The following MAP3K4 variants were observed in gnomAD, a reference collection of about 807,000 sequenced individuals.
MAP3K4 encodes MAP three kinase 1.
Under a neutral mutation model 185.6 loss-of-function variants are expected in MAP3K4, and 67 were observed. The ratio of observed to expected loss-of-function variants is 0.36; its 90% CI spans 0.30 to 0.44. MAP3K4 has a LOEUF of 0.44. Among genes scored for constraint, MAP3K4 ranks in the 20% least tolerant of loss-of-function variants. MAP3K4 has a pLI of 1.00. For synonymous variants in MAP3K4, 702 were observed against 710.4 expected, an observed-to-expected ratio of 0.99 and a Z score of 0.19; for missense variants, 1,551 against 1,995.1, an observed-to-expected ratio of 0.78 and a Z score of 4.24.
At chr6:161,078,232 G>A (rs1785270588) in intron 5 of MAP3K4, among the ~76,000 whole-genome samples, 1 of 152,186 alleles carries the variant, frequency 6.6e-6, no homozygotes, top group African/African-American at 2.4e-5. Flanking sequence ...GAAATGTTAT[G>A]TGGCTGGTGA....
At chr6:161,083,642 C>T (rs1220261707) in intron 6 of MAP3K4, among the ~76,000 whole-genome samples, 2 of 149,566 alleles carry the variant, frequency 1.3e-5, no homozygotes, top group Non-Finnish European at 2.9e-5. Context: ...GCTTGCTTGA[C>T]TACATCTTCA....
intron 10 of MAP3K4, among the ~76,000 whole-genome samples, chr6:161,089,027 C>T (rs560341934): frequency 1.1e-3 from 172 of 152,256 alleles, no homozygotes; most frequent in African/African-American, 4.0e-3. Flanking sequence ...CACACACACA[C>T]TCACACACAC....
At position 161,056,142 on chromosome 6, in the gene MAP3K4, C is replaced by G. The variant is rs1048706390; in HGVS notation, c.1707+6163C>G. 6.6e-6 allele frequency among the ~76,000 whole-genome samples: 1 copy of G among 152,058 alleles called. No homozygotes were observed. The highest frequency in any genetic ancestry group is 2.4e-5 in the African/African-American group (1 of 41,398). ...GCCTTCTGTGTCGTTTGATATGCTC[C>G]CCTCTTTTGTTGTATTATTTTCCTT... is the stretch of plus-strand genomic sequence containing the variant. On this transcript the variant is annotated intron_variant, in intron 3 of 26. Transcript: ENST00000392142. The surrounding 1 kb of genome is among the most constrained non-coding windows in gnomAD (Gnocchi z 5.4).
intron 1 of MAP3K4, among the ~76,000 whole-genome samples, chr6:161,015,639 G>A (rs894917375): frequency 6.6e-6 from 1 of 152,158 alleles, no homozygotes; most frequent in Non-Finnish European, 1.5e-5. Flanking sequence ...GGTAGAAGGA[G>A]AAGGGGAGCC....
rs536313075 is a variant in MAP3K4, at chr6:160,998,360, C to G, written c.152+6277C>G. Reference sequence around the variant, plus strand: ...AAATACATACTAATTTTTCCTAAAACTTTTTATGATGAACGTGTTACACAT... The same window carrying G: ...AAATACATACTAATTTTTCCTAAAAGTTTTTATGATGAACGTGTTACACAT... On this transcript the variant is annotated intron_variant, in intron 1 of 26. Coordinates refer to ENST00000392142, the MANE Select transcript of MAP3K4 (RefSeq NM_005922.4). Among the ~76,000 whole-genome samples the G allele has an allele frequency of 4.6e-5, 7 of 152,222 alleles. No individual in the cohort carries two copies. In the East Asian group the frequency reaches 1.3e-3, roughly 29 times the overall value.
intron 3 of MAP3K4, among the ~76,000 whole-genome samples, chr6:161,058,485 T>C (rs1784339750): frequency 6.6e-6 from 1 of 152,192 alleles, no homozygotes; most frequent in Admixed American, 6.5e-5. Flanking sequence ...TGAAGGGTAA[T>C]GTAAAGGCTA....
rs1273293176 is a variant in MAP3K4, at chr6:161,080,123, G to A, written c.2098-758G>A. On this transcript the variant is annotated intron_variant, in intron 5 of 26. Coordinates refer to ENST00000392142, the MANE Select transcript of MAP3K4 (RefSeq NM_005922.4). The surrounding 1 kb of genome is among the most constrained non-coding windows in gnomAD (Gnocchi z 4.8). Reference sequence around the variant, plus strand: ...GTTGGAAGGGAGTGGAGTGATGTCTGAAAAGTTCCGAGAGAGAATGTGTGA... The same window carrying A: ...GTTGGAAGGGAGTGGAGTGATGTCTAAAAAGTTCCGAGAGAGAATGTGTGA... Among the ~76,000 whole-genome samples, 1 of 152,130 alleles carries A rather than the reference G, an allele frequency of 6.6e-6. No individual in the cohort carries two copies. The highest frequency in any genetic ancestry group is 2.4e-5 in the African/African-American group (1 of 41,420).
In MAP3K4 at chr6:160,991,859, C is replaced by A. The variant is rs940684083; in HGVS notation, c.-73C>A. On this transcript the variant is annotated 5_prime_UTR_variant, in exon 1 of 27. Coordinates refer to ENST00000392142, the MANE Select transcript of MAP3K4 (RefSeq NM_005922.4). This position sits in a 1 kb window ranked among gnomAD's most constrained non-coding sequence, Gnocchi z 5.7. ...GAGGCGGAGTCGAGTCACTCCCGCA[C>A]TTCGGGGCTCCGGTGCCCCGCGCCA... The A allele has an allele frequency of 7.8e-6, 11 of 1,417,366 alleles. No homozygotes were observed. The highest frequency in any genetic ancestry group is 4.5e-5 in the African/African-American group (3 of 66,524). 87.8% of individuals were successfully genotyped at this position (1,417,366 alleles called of 1,614,324 possible). A position where few individuals can be genotyped will look rare whatever the true frequency, so the allele number is the denominator to read the frequency against.
chr6:161,069,979 G>A (rs762027218), intron 3 of MAP3K4, among the ~76,000 whole-genome samples: 56 of 152,114 alleles, frequency 3.7e-4, no homozygotes, highest in Non-Finnish European at 5.1e-4. Context: ...CTAAAAGAAC[G>A]GGGGTGGGGG....
chr6:161,057,051 C>T (rs947762994), intron 3 of MAP3K4, among the ~76,000 whole-genome samples: 1 of 152,076 alleles, frequency 6.6e-6, no homozygotes, highest in African/African-American at 2.4e-5. Context: ...GTATAATTGT[C>T]TGACTTTGTT....
chr6:161,020,825 T>A (rs1444947899), intron 1 of MAP3K4, among the ~76,000 whole-genome samples: 29 of 152,206 alleles, frequency 1.9e-4, no homozygotes, highest in Non-Finnish European at 2.9e-5. Flanking sequence ...ACATGTTGTA[T>A]TTAATGATAC....
Position 161,093,711 on chromosome 6 carries a change from T to TA in MAP3K4, c.3349-61dup. ...ATACTGAAAATTAATTTGTGCTACT[T>TA]ACATAATTAAGAAAGTATGCATGTT... On this transcript the variant is annotated intron_variant, in intron 14 of 26. Coordinates refer to ENST00000392142, the MANE Select transcript of MAP3K4 (RefSeq NM_005922.4). The surrounding 1 kb of genome is among the most constrained non-coding windows in gnomAD (Gnocchi z 5.2). 1 of 946,030 alleles carries TA rather than the reference T, an allele frequency of 1.1e-6. No individual in the cohort carries two copies. The highest frequency in any genetic ancestry group is 1.7e-6 in the Non-Finnish European group (1 of 592,126). The allele number at this position is 946,030 out of a possible 1,614,324, so 58.6% of individuals were successfully genotyped here.
chr6:161,071,557 G>T lies in MAP3K4; in HGVS notation c.1950+707G>T, dbSNP rs1162882785. ...AGGGCTAAGAGCTACCCGGCTCTGT[G>T]AATGGTAAGACAAAGCATAGGTGAG... On this transcript the variant is annotated intron_variant, in intron 4 of 26. Transcript: ENST00000392142. The surrounding 1 kb of genome is among the most constrained non-coding windows in gnomAD (Gnocchi z 4.6). Among the ~76,000 whole-genome samples the T allele has an allele frequency of 6.6e-6, 1 of 152,206 alleles. No individual in the cohort carries two copies. The highest frequency in any genetic ancestry group is 2.4e-5 in the African/African-American group (1 of 41,442).
chr6:161,027,000 TA>T (rs1782706120), intron 1 of MAP3K4, among the ~76,000 whole-genome samples: 1 of 152,212 alleles, frequency 6.6e-6, no homozygotes, highest in Non-Finnish European at 1.5e-5. Flanking sequence ...TTTTTTGTTT[TA>T]TTTAGTTCAG....
chr6:161,011,406 C>T (rs1476201084), intron 1 of MAP3K4, among the ~76,000 whole-genome samples: 2 of 152,134 alleles, frequency 1.3e-5, no homozygotes, highest in Non-Finnish European at 2.9e-5. Context: ...TAGGTATTTT[C>T]AGTGTCTGAG....
chr6:161,098,298 A>G lies in MAP3K4; in HGVS notation c.3545A>G (p.Asp1182Gly), dbSNP rs374033893. 63 of 1,611,452 alleles carry G rather than the reference A, an allele frequency of 3.9e-5. No homozygotes were observed. Among genetic ancestry groups the G allele is most frequent in the Admixed American group, 2.8e-4 (17 of 59,690 alleles). Residue 1182 changes from aspartate (D) to glycine (G), a missense_variant, in exon 17 of 27, where the codon GAC becomes GGC. Physicochemically the swap from Asp to Gly is moderately conservative, Grantham distance 94. Around this residue, in one of 16 missense-constraint regions of MAP3K4, gnomAD observed 272 missense variants for 301.2 expected, o/e 0.90. Coordinates refer to ENST00000392142, the MANE Select transcript of MAP3K4 (RefSeq NM_005922.4). This position sits in a 1 kb window ranked among gnomAD's most constrained non-coding sequence, Gnocchi z 4.4. The part of the protein sequence containing the change: ...EGFSTRSMPS[D>G]ARSHGSPAAA... ...CTTAGCACTCGGAGCATGCCTTCCG[A>G]CGCGCGGAGCCATGGCAGCCCTGCT...
At position 161,101,029 on chromosome 6, in the gene MAP3K4, A is replaced by G. The variant is rs1777819207; in HGVS notation, c.3675-863A>G. On this transcript the variant is annotated intron_variant, in intron 17 of 26. Coordinates refer to ENST00000392142, the MANE Select transcript of MAP3K4 (RefSeq NM_005922.4). The surrounding 1 kb of genome is among the most constrained non-coding windows in gnomAD (Gnocchi z 5.1). The stretch of plus-strand genomic sequence containing the variant: ...CTTCAACCTATCAATGTATAATAAG[A>G]GCATAAATGCTACCATACTTCATTA... 4 of 152,238 alleles carry G rather than the reference A, an allele frequency of 2.6e-5. No homozygotes were observed. The allele number at this position is 152,238 out of a possible 1,614,324, so 9.4% of individuals were successfully genotyped here. A position where few individuals can be genotyped will look rare whatever the true frequency, so the allele number is the denominator to read the frequency against.
At chr6:161,021,146 T>A (rs1001504926) in intron 1 of MAP3K4, among the ~76,000 whole-genome samples, 3 of 152,242 alleles carry the variant, frequency 2.0e-5, no homozygotes, top group Non-Finnish European at 4.4e-5. Flanking sequence ...TCATGTTTTA[T>A]TACCTCTTAG....
At position 161,098,358 on chromosome 6, in the gene MAP3K4, C is replaced by T. The variant is rs773603100; in HGVS notation, c.3605C>T (p.Ala1202Val). The T allele has an allele frequency of 6.2e-7, 1 of 1,613,648 alleles. No individual in the cohort carries two copies. Among genetic ancestry groups the T allele is most frequent in the Non-Finnish European group, 8.5e-7 (1 of 1,179,958 alleles). Residue 1202 changes from alanine (A) to valine (V), a missense_variant, in exon 17 of 27, where the codon GCC becomes GTC. Around this residue, in one of 16 missense-constraint regions of MAP3K4, gnomAD observed 272 missense variants for 301.2 expected, o/e 0.90. Coordinates refer to ENST00000392142, the MANE Select transcript of MAP3K4 (RefSeq NM_005922.4). The surrounding 1 kb of genome is among the most constrained non-coding windows in gnomAD (Gnocchi z 4.4). ...AAAAAAAAVA[A>V]SRPSPSGGDS... ...GCTGCTGCTGCTGCTGCTGTTGCTG[C>T]CAGTCGGCCCAGCCCCTCTGGTGGT...
Sources: gnomAD v4.1 joint callset for allele counts (sites outside exome capture counted in the v4.1 genomes callset) on GRCh38, gnomAD v4.1.1 for gene constraint, gnomAD v4.1.1 regional missense constraint, Gnocchi (gnomAD v3.1) non-coding constraint, MANE v1.5 for transcripts, NCBI Gene and HGNC (gene_info 2026-07-23, HGNC 2026-07-21) for gene names.